FBXL17: variants seen among roughly 807,000 people sequenced by gnomAD.
FBXL17 encodes the protein F-box and leucine rich repeat protein 17, also known as F-box/LRR-repeat protein 17.
FBXL17 carries 22 observed loss-of-function variants against 66.2 expected under a neutral mutation model. The observed-to-expected ratio is 0.33, with a 90% CI of 0.24 to 0.47. FBXL17 has a LOEUF of 0.47. Ranked by LOEUF, FBXL17 falls within the 20% of genes least tolerant of loss-of-function variation. The pLI is 1.00. For synonymous variants in FBXL17, 474 were observed against 400.5 expected (o/e 1.18, Z -2.19); for missense variants, 878 against 948.2 (o/e 0.93, Z 0.97).
chr5:108,016,867 C>T (rs1754408950), intron 7 of FBXL17, among the ~76,000 whole-genome samples: 1 of 151,234 alleles, frequency 6.6e-6, no homozygotes, highest in Admixed American at 6.6e-5. Context: ...GCTACCTCTG[C>T]CTCTCAGGTT....
At chr5:108,269,840 C>T (rs1757194733) in intron 4 of FBXL17, among the ~76,000 whole-genome samples, 1 of 152,020 alleles carries the variant, frequency 6.6e-6, no homozygotes, top group African/African-American at 2.4e-5. Context: ...GGTTTGTTTT[C>T]TCTTTTTTAA....
chr5:108,286,126 T>C (rs764311556), intron 4 of FBXL17, among the ~76,000 whole-genome samples: 3 of 151,936 alleles, frequency 2.0e-5, no homozygotes, highest in Admixed American at 6.6e-5. Context: ...AAACTAGACA[T>C]TGAAGAAACA....
chr5:108,222,607 T>C (rs1030934949), intron 5 of FBXL17, among the ~76,000 whole-genome samples: 7 of 151,834 alleles, frequency 4.6e-5, no homozygotes, highest in African/African-American at 7.2e-5. Context: ...TATACTAGAA[T>C]AGTGATTTGA....
At chr5:107,939,639 C>G (rs1055215477) in intron 7 of FBXL17, among the ~76,000 whole-genome samples, 1 of 152,172 alleles carries the variant, frequency 6.6e-6, no homozygotes, top group African/African-American at 2.4e-5. Context: ...TACGGAGGAT[C>G]ACCCTGTCTC....
intron 4 of FBXL17, among the ~76,000 whole-genome samples, chr5:108,233,236 T>A (rs1218367423): frequency 6.6e-6 from 1 of 152,182 alleles, no homozygotes; most frequent in East Asian, 1.9e-4. Context: ...TTCTTAGCTC[T>A]GACATTTAGG....
At chr5:108,109,021 G>T (rs113828591) in intron 6 of FBXL17, among the ~76,000 whole-genome samples, 3,342 of 152,096 alleles carry the variant, frequency 0.022, 58 homozygotes, top group Middle Eastern at 0.048. Flanking sequence ...GACCTCAGGT[G>T]ATCCGCCCAC....
chr5:108,332,941 C>CAAAAAAAAAAAAAA (rs34218940), intron 4 of FBXL17, among the ~76,000 whole-genome samples: 106 of 34,692 alleles, frequency 3.1e-3, no homozygotes, highest in Middle Eastern at 0.029. Context: ...AAAGCAAAAG[C>CAAAAAAAAAAAAAA]AAAAAAAAAA....
intron 5 of FBXL17, among the ~76,000 whole-genome samples, chr5:108,222,759 C>T (rs1488131094): frequency 2.7e-5 from 4 of 150,702 alleles, no homozygotes; most frequent in Non-Finnish European, 4.4e-5. Context: ...CTGCAACCTC[C>T]GCCTCTCGGG....
chr5:108,071,704 T>G lies in FBXL17; in HGVS notation c.1746-50703A>C, dbSNP rs149764921. ...TAAAACAAACTTCCCTTATTCTACT[T>G]TATCGTGAAGTGAATACTGCATTTT... On this transcript the variant is annotated intron_variant, in intron 6 of 8. Coordinates refer to ENST00000542267, the MANE Select transcript of FBXL17 (RefSeq NM_001163315.3). 3.7e-3 allele frequency among the ~76,000 whole-genome samples: 566 copies of G among 152,302 alleles called. 6 individuals carry two copies. The highest frequency in any genetic ancestry group is 0.013 in the African/African-American group (549 of 41,576).
At chr5:108,316,978 ATATT>A (rs1249217342) in intron 4 of FBXL17, among the ~76,000 whole-genome samples, 1 of 151,270 alleles carries the variant, frequency 6.6e-6, no homozygotes, top group Non-Finnish European at 1.5e-5. Context: ...ATCAATCTGT[ATATT>A]TATCACATTT....
intron 7 of FBXL17, among the ~76,000 whole-genome samples, chr5:107,973,354 A>ATTTTTTTTT (rs200079422): frequency 8.3e-5 from 10 of 120,440 alleles, no homozygotes; most frequent in South Asian, 2.6e-4. Context: ...TTTTTTTGTA[A>ATTTTTTTTT]TTTTTTTTTT....
chr5:108,066,053 T>C (rs1381409972), intron 6 of FBXL17, among the ~76,000 whole-genome samples: 1 of 152,092 alleles, frequency 6.6e-6, no homozygotes. Flanking sequence ...ACTCCCCTCC[T>C]GATAAGAAAT....
chr5:107,926,709 G>C (rs891087275), intron 7 of FBXL17, among the ~76,000 whole-genome samples: 5 of 151,872 alleles, frequency 3.3e-5, no homozygotes, highest in Admixed American at 3.3e-4. Context: ...TAATATGGAA[G>C]AAGAGAGTTG....
chr5:107,886,520 C>T (rs1264225763), intron 7 of FBXL17, among the ~76,000 whole-genome samples: 4 of 151,866 alleles, frequency 2.6e-5, no homozygotes, highest in Admixed American at 6.6e-5. Context: ...GATTCCAGGA[C>T]TGGAGCAGGG....
At chr5:107,913,355 G>A (rs1421961801) in intron 7 of FBXL17, among the ~76,000 whole-genome samples, 1 of 152,130 alleles carries the variant, frequency 6.6e-6, no homozygotes, top group Non-Finnish European at 1.5e-5. Flanking sequence ...TCTTGGAGTA[G>A]GGCAGAGGAG....
At position 108,109,708 on chromosome 5, in the gene FBXL17, C is replaced by T. The variant is rs555801631; in HGVS notation, c.1745+76409G>A. ...CACAGAATGGAATACCAGTTAGTGC[C>T]CCACTCCCAGATTCCCATACTGTAC... On this transcript the variant is annotated intron_variant, in intron 6 of 8. Coordinates refer to ENST00000542267, the MANE Select transcript of FBXL17 (RefSeq NM_001163315.3). Among the ~76,000 whole-genome samples the T allele has an allele frequency of 2.6e-5, 4 of 152,060 alleles. No homozygotes were observed. In the South Asian group the frequency reaches 8.3e-4, roughly 32 times the overall value.
At chr5:108,033,306 T>C (rs925243833) in intron 6 of FBXL17, among the ~76,000 whole-genome samples, 1 of 152,218 alleles carries the variant, frequency 6.6e-6, no homozygotes, top group Admixed American at 6.6e-5. Context: ...CACTTTAGCA[T>C]ACACATCATA....
intron 6 of FBXL17, among the ~76,000 whole-genome samples, chr5:108,142,983 T>TAATAATAAC (rs1338607331): frequency 1.3e-5 from 2 of 149,690 alleles, no homozygotes; most frequent in Admixed American, 6.7e-5. Context: ...TAAAGTATAA[T>TAATAATAAC]AATAATAATA....
intron 6 of FBXL17, among the ~76,000 whole-genome samples, chr5:108,098,173 C>T (rs974656881): frequency 1.3e-5 from 2 of 152,222 alleles, no homozygotes; most frequent in South Asian, 2.1e-4. Flanking sequence ...AAACAGAAAT[C>T]TAATCTGGGC....
Sources: gnomAD v4.1 joint callset for allele counts (sites outside exome capture counted in the v4.1 genomes callset) on GRCh38, gnomAD v4.1.1 for gene constraint, MANE v1.5 for transcripts, NCBI Gene and HGNC (gene_info 2026-07-23, HGNC 2026-07-21) for gene names.